Variants in COL28A1 observed in about 807,000 individuals in gnomAD.
COL28A1 encodes collagen type XXVIII alpha 1 chain.
COL28A1 carries 161 observed loss-of-function variants against 150.2 expected under a neutral mutation model. That is an observed-to-expected ratio of 1.07 (90% confidence interval 0.94 to 1.22). COL28A1 has a LOEUF of 1.22. COL28A1 is among the 50% of genes most tolerant of loss of function. The probability of loss-of-function intolerance (pLI) is 0.00; values close to 1 mark genes in which losing one functional copy is unlikely to be tolerated. For synonymous variants in COL28A1, 552 were observed against 469.7 expected (o/e 1.18, Z -2.26); for missense variants, 1,617 against 1,388.3 (o/e 1.16, Z -2.62).
At chr7:7,437,343 TC>T in intron 22 of COL28A1, 50 bp downstream of exon 22, 1 of 1,555,478 alleles carries the variant, frequency 6.4e-7, no homozygotes, top group Admixed American at 2.0e-5. Context: ...TTTTTTTTTC[TC>T]CAACTGCCAA....
rs1177176361 is a variant in COL28A1, at chr7:7,477,163, C to G, written c.1182G>C (p.Glu394Asp). The G allele has an allele frequency of 7.7e-7, 1 of 1,303,332 alleles. No individual in the cohort carries two copies. Among genetic ancestry groups the G allele is most frequent in the African/African-American group, 1.4e-5 (1 of 69,088 alleles). 80.7% of individuals were successfully genotyped at this position (1,303,332 alleles called of 1,614,324 possible). ...EPGQPGPRGP[E>D]GVPGERGLPG... is the part of the protein sequence containing the mutation. ...GTAAGCCCCTCTCTCCTGGTACTCC[C>G]TCAGGACCACGGGGACCCTGGTTAG... is the stretch of plus-strand genomic sequence containing the variant. Residue 394 changes from glutamate (E) to aspartate (D), a missense_variant, in exon 14 of 35, where the codon GAG (glutamate) becomes GAC (aspartate). Coordinates refer to ENST00000399429, the MANE Select transcript of COL28A1 (RefSeq NM_001037763.3).
chr7:7,386,390 GC>G (rs1385827498), intron 27 of COL28A1, among the ~76,000 whole-genome samples: 1 of 152,122 alleles, frequency 6.6e-6, no homozygotes, highest in Non-Finnish European at 1.5e-5. Flanking sequence ...CATTCTTAAA[GC>G]CCCAACAACA....
At chr7:7,389,518 T>C (rs188577716) in intron 27 of COL28A1, among the ~76,000 whole-genome samples, 1 of 152,356 alleles carries the variant, frequency 6.6e-6, no homozygotes, top group African/African-American at 2.4e-5. Context: ...AAGTAGATTT[T>C]TCTAAATCTG....
intron 27 of COL28A1, among the ~76,000 whole-genome samples, chr7:7,406,270 A>T (rs556083038): frequency 3.3e-5 from 5 of 152,188 alleles, no homozygotes; most frequent in Admixed American, 6.5e-5. Flanking sequence ...GTATATATGA[A>T]TGAATCATTT....
At position 7,531,873 on chromosome 7, in the gene COL28A1, G is replaced by T; in HGVS notation, c.156C>A (p.Ile52=). Residue 52 remains isoleucine (I), a synonymous_variant, in exon 3 of 35, where the codon ATC becomes ATA. Coordinates refer to ENST00000399429, the MANE Select transcript of COL28A1 (RefSeq NM_001037763.3). ...TTTTAGAACTTTCAGAGCTGTCCACGATGAAGACAATATCTATGAAACAAA... is the reference window on the plus strand; with the variant it reads ...TTTTAGAACTTTCAGAGCTGTCCACTATGAAGACAATATCTATGAAACAAA... ...GSICFIDIVF[I]VDSSESSKIA... The T allele has an allele frequency of 6.2e-7, 1 of 1,607,206 alleles. No individual in the cohort carries two copies. Among genetic ancestry groups the T allele is most frequent in the South Asian group, 1.1e-5 (1 of 90,862 alleles).
At chr7:7,395,893 T>C (rs922777489) in intron 27 of COL28A1, among the ~76,000 whole-genome samples, 1 of 152,182 alleles carries the variant, frequency 6.6e-6, no homozygotes, top group Non-Finnish European at 1.5e-5. Flanking sequence ...ATTTTGAAAG[T>C]GGTGTGTGAA....
chr7:7,389,428 C>T (rs558861017), intron 27 of COL28A1, among the ~76,000 whole-genome samples: 9 of 152,148 alleles, frequency 5.9e-5, no homozygotes, highest in South Asian at 4.2e-4. Flanking sequence ...AGTCAGGTAG[C>T]GTAATCCCTC....
chr7:7,450,549 G>C (rs190565007), intron 18 of COL28A1, among the ~76,000 whole-genome samples: 212 of 152,240 alleles, frequency 1.4e-3, no homozygotes, highest in Middle Eastern at 6.8e-3. Flanking sequence ...TTAGAGAAAG[G>C]AACATCATCG....
At chr7:7,338,857 C>T in the COL28A1 span, among the ~76,000 whole-genome samples, 1 of 152,020 alleles carries the variant, frequency 6.6e-6, no homozygotes, top group Non-Finnish European at 1.5e-5. Flanking sequence ...GGGTGATATG[C>T]CAATTCATGA....
At chr7:7,465,061 G>A (rs982132964) in intron 15 of COL28A1, among the ~76,000 whole-genome samples, 1 of 152,160 alleles carries the variant, frequency 6.6e-6, no homozygotes, top group Non-Finnish European at 1.5e-5. Flanking sequence ...AAAGCCTAGA[G>A]GAGATGAATA....
chr7:7,542,733 G>A, the COL28A1 span, among the ~76,000 whole-genome samples: 1 of 152,168 alleles, frequency 6.6e-6, no homozygotes, highest in African/African-American at 2.4e-5. Context: ...ACACTTTCAT[G>A]CTAGGAAAAT....
the COL28A1 span, among the ~76,000 whole-genome samples, chr7:7,350,846 T>C: frequency 6.6e-6 from 1 of 151,962 alleles, no homozygotes. Flanking sequence ...AAGAAGGAAA[T>C]AACTGGAACA....
chr7:7,394,243 C>T (rs905726204), intron 27 of COL28A1, among the ~76,000 whole-genome samples: 2 of 152,120 alleles, frequency 1.3e-5, no homozygotes, highest in African/African-American at 4.8e-5. Flanking sequence ...CCTACTTCAA[C>T]TCACCCTCTG....
chr7:7,381,076 T>A (rs1392612560), intron 28 of COL28A1, among the ~76,000 whole-genome samples: 1 of 152,100 alleles, frequency 6.6e-6, no homozygotes, highest in Non-Finnish European at 1.5e-5. Context: ...GGTCTCAGAG[T>A]GAAGAGACCT....
chr7:7,529,327 G>A (rs1205554448), intron 3 of COL28A1, among the ~76,000 whole-genome samples: 1 of 149,606 alleles, frequency 6.7e-6, no homozygotes. Context: ...CTGCCTTCTA[G>A]ATGGTGGCAA....
At chr7:7,457,303 A>G (rs1010113436) in intron 15 of COL28A1, among the ~76,000 whole-genome samples, 2 of 152,196 alleles carry the variant, frequency 1.3e-5, no homozygotes, top group African/African-American at 4.8e-5. Context: ...GGCACAAACC[A>G]GAATGTTGAG....
rs1300472629 is a variant in COL28A1, at chr7:7,432,455, C to T, written c.1998+18G>A. On this transcript the variant is annotated intron_variant, in intron 25 of 34. Coordinates refer to ENST00000399429, the MANE Select transcript of COL28A1 (RefSeq NM_001037763.3). ...TGCACTCTTAGAAGCTAGTACGTTG[C>T]CTACTTTAAAGTCTTACCTTTGCTC... The T allele has an allele frequency of 4.3e-6, 7 of 1,611,636 alleles. No individual in the cohort carries two copies. The highest frequency in any genetic ancestry group is 5.1e-6 in the Non-Finnish European group (6 of 1,177,920).
At chr7:7,418,721 A>G (rs114821397) in intron 26 of COL28A1, among the ~76,000 whole-genome samples, 1,768 of 152,262 alleles carry the variant, frequency 0.012, 46 homozygotes, top group African/African-American at 0.041. Context: ...TTTTCTGATT[A>G]TAAGAGGAAT....
rs1452939636 is a variant in COL28A1 at position 7,360,498 on chromosome 7, C to T, written c.3097G>A (p.Asp1033Asn). Residue 1033 changes from aspartate to asparagine, a missense_variant, in exon 34 of 35, where the codon GAT becomes AAT. Transcript: ENST00000399429. ...LSVTRDQDED[D>N]KAPEPTWADD... is the part of the protein sequence containing the mutation. ...GCCCACGTTGGCTCTGGAGCCTTATCATCTTCATCCTGGTCTCTGGTGACA... is the reference window on the plus strand; with the variant it reads ...GCCCACGTTGGCTCTGGAGCCTTATTATCTTCATCCTGGTCTCTGGTGACA... The T allele has an allele frequency of 1.2e-6, 2 of 1,605,866 alleles. No individual in the cohort carries two copies. Among genetic ancestry groups the T allele is most frequent in the Non-Finnish European group, 8.5e-7 (1 of 1,177,618 alleles).
Sources: allele counts gnomAD v4.1 joint callset (sites outside exome capture counted in the v4.1 genomes callset), GRCh38; gene constraint gnomAD v4.1.1; transcripts MANE v1.5; gene names NCBI Gene and HGNC (gene_info 2026-07-23, HGNC 2026-07-21).